BEND7: variants seen among roughly 807,000 people sequenced by gnomAD.
BEND7 encodes BEN domain containing 7.
In BEND7, 28 loss-of-function variants were observed where a neutral mutation model predicts 50.9. The observed-to-expected ratio is 0.55, with a 90% confidence interval of 0.41 to 0.75. The LOEUF is 0.75. BEND7 is among the 30% of genes least tolerant of loss of function. BEND7 has a pLI of 0.00. For synonymous variants in BEND7, 170 were observed against 183.9 expected, an observed-to-expected ratio of 0.92 and a Z score of 0.61; for missense variants, 477 against 491.3, an observed-to-expected ratio of 0.97 and a Z score of 0.28.
chr10:13,447,604 C>T lies in BEND7; in HGVS notation c.1184-288G>A, dbSNP rs1056613534. ...TGTCGCCCAGGCTGGAGTGCAGTGG[C>T]GCGATCTCGGCTCACTACAAGCTCC... On this transcript the variant is annotated intron_variant, in intron 7 of 8. Transcript: ENST00000466271. 3.4e-4 allele frequency among the ~76,000 whole-genome samples: 44 copies of T among 128,606 alleles called. 1 individual carries two copies. Among genetic ancestry groups the T allele is most frequent in the African/African-American group, 9.4e-4 (31 of 33,050 alleles). The allele number at this position is 128,606 out of a possible 152,430, so 84.4% of individuals were successfully genotyped here.
intron 2 of BEND7, among the ~76,000 whole-genome samples, chr10:13,506,442 A>T (rs553966607): frequency 2.0e-5 from 3 of 152,078 alleles, no homozygotes; most frequent in African/African-American, 4.8e-5. Flanking sequence ...GCGAGCCAGG[A>T]GTTTAAGATT....
intron 6 of BEND7, among the ~76,000 whole-genome samples, chr10:13,463,031 A>G (rs2073869198): frequency 6.6e-6 from 1 of 152,220 alleles, no homozygotes; most frequent in East Asian, 1.9e-4. Flanking sequence ...TCACCCAACT[A>G]AACTCCACAT....
In BEND7 at chr10:13,481,124, G is replaced by T. The variant is rs2075823354; in HGVS notation, c.838C>A (p.Pro280Thr). Residue 280 changes from proline (P) to threonine (T), a missense_variant and splice_region_variant, in exon 6 of 9, where the codon CCA becomes ACA. Pro to Thr is a conservative substitution (Grantham distance 38). This residue lies in a region of BEND7 where 396 missense variants were observed against 384.2 expected (regional missense o/e 1.03). Coordinates refer to ENST00000466271, the MANE Select transcript of BEND7 (RefSeq NM_001369863.1). Reference protein sequence around the residue: ...GIVLESPSSDPEVQLAEGFDV... With the variant: ...GIVLESPSSDTEVQLAEGFDV... ...AAGCCTTCAGCAAGTTGTACTTCTGGCTACCAAAAGAACACAGATATTTCA... is the reference window on the plus strand; with the variant it reads ...AAGCCTTCAGCAAGTTGTACTTCTGTCTACCAAAAGAACACAGATATTTCA... 6.2e-7 allele frequency: 1 copy of T among 1,613,206 alleles called. No homozygotes were observed. The highest frequency in any genetic ancestry group is 8.5e-7 in the Non-Finnish European group (1 of 1,179,458).
chr10:13,507,028 T>C (rs1438164354), intron 2 of BEND7, among the ~76,000 whole-genome samples: 1 of 152,100 alleles, frequency 6.6e-6, no homozygotes, highest in African/African-American at 2.4e-5. Context: ...AGTTTGAGCA[T>C]GAAGCCATAT....
At chr10:13,490,573 G>A (rs1025205955) in intron 5 of BEND7, among the ~76,000 whole-genome samples, 2 of 152,118 alleles carry the variant, frequency 1.3e-5, no homozygotes, top group East Asian at 1.9e-4. Context: ...ATCTTCCTCC[G>A]GCTATCTCTA....
intron 2 of BEND7, among the ~76,000 whole-genome samples, chr10:13,503,761 A>C (rs982204973): frequency 3.3e-5 from 5 of 152,132 alleles, no homozygotes; most frequent in African/African-American, 1.2e-4. Context: ...TGGAACACAG[A>C]AAACTGCAGT....
intron 5 of BEND7, among the ~76,000 whole-genome samples, chr10:13,486,675 A>AT (rs2076247866): frequency 6.6e-6 from 1 of 152,256 alleles, no homozygotes; most frequent in Admixed American, 6.5e-5. Context: ...CTTTATAGAC[A>AT]TTTTTAGTTG....
At chr10:13,473,247 T>C (rs769343144) in intron 6 of BEND7, among the ~76,000 whole-genome samples, 2 of 151,900 alleles carry the variant, frequency 1.3e-5, no homozygotes, top group Non-Finnish European at 2.9e-5. Context: ...ATATCTGTCA[T>C]CGCTGTTAGA....
chr10:13,443,357 T>C (rs148717197), intron 8 of BEND7: 81 of 152,826 alleles, frequency 5.3e-4, no homozygotes, highest in African/African-American at 1.9e-3. Context: ...CAATGAAACC[T>C]GGTTCTGTGT....
chr10:13,456,436 T>C (rs973722854), intron 6 of BEND7, among the ~76,000 whole-genome samples: 14 of 152,100 alleles, frequency 9.2e-5, no homozygotes, highest in East Asian at 7.7e-4. Context: ...GTGATCCGGA[T>C]GACAGTGGGA....
intron 5 of BEND7, among the ~76,000 whole-genome samples, chr10:13,485,536 G>C (rs1174125402): frequency 6.6e-6 from 1 of 152,144 alleles, no homozygotes; most frequent in Non-Finnish European, 1.5e-5. Flanking sequence ...CAGATGAAGA[G>C]GCAGGATCCT....
chr10:13,473,002 G>T (rs537563278), intron 6 of BEND7, among the ~76,000 whole-genome samples: 2 of 152,078 alleles, frequency 1.3e-5, no homozygotes, highest in South Asian at 4.2e-4. Context: ...ACTCGTCATC[G>T]CTGTTACACT....
chr10:13,520,618 G>T (rs1172493677), intron 2 of BEND7, among the ~76,000 whole-genome samples: 1 of 152,192 alleles, frequency 6.6e-6, no homozygotes, highest in South Asian at 2.1e-4. Flanking sequence ...ACAAGGTGAA[G>T]AACTCAGAAG....
chr10:13,498,071 CTTTTTTTTTT>C (rs67255529), intron 3 of BEND7, among the ~76,000 whole-genome samples: 1 of 109,868 alleles, frequency 9.1e-6, no homozygotes, highest in African/African-American at 3.4e-5. Context: ...ATTTCTTTTT[CTTTTTTTTTT>C]TTTTTTTTTT....
intron 6 of BEND7, among the ~76,000 whole-genome samples, chr10:13,463,432 T>C (rs947838174): frequency 2.6e-5 from 4 of 152,032 alleles, no homozygotes; most frequent in African/African-American, 9.7e-5. Flanking sequence ...AAGACGAAGG[T>C]AGATAAAAGA....
chr10:13,462,590 AAC>A (rs1840432328), intron 6 of BEND7, among the ~76,000 whole-genome samples: 1 of 152,344 alleles, frequency 6.6e-6, no homozygotes, highest in African/African-American at 2.4e-5. Context: ...CACTGAGTGG[AAC>A]AGGGAGATAG....
chr10:13,465,256 C>G (rs146546879), intron 6 of BEND7, among the ~76,000 whole-genome samples: 1 of 152,164 alleles, frequency 6.6e-6, no homozygotes, highest in Admixed American at 6.5e-5. Flanking sequence ...ATTTCAGATT[C>G]GGTTTGACAA....
chr10:13,527,068 A>C (rs902390646), intron 1 of BEND7, among the ~76,000 whole-genome samples: 2 of 152,186 alleles, frequency 1.3e-5, no homozygotes, highest in South Asian at 4.1e-4. Flanking sequence ...AAAGTCAACA[A>C]AACTACTCTC....
chr10:13,473,392 A>G (rs1244338730), intron 6 of BEND7, among the ~76,000 whole-genome samples: 1 of 148,290 alleles, frequency 6.7e-6, no homozygotes, highest in African/African-American at 2.5e-5. Context: ...TGGGGCTGGT[A>G]TCCATCATCG....
Sources: gnomAD v4.1 joint callset for allele counts (sites outside exome capture counted in the v4.1 genomes callset) on GRCh38, gnomAD v4.1.1 for gene constraint, gnomAD v4.1.1 regional missense constraint, MANE v1.5 for transcripts, NCBI Gene and HGNC (gene_info 2026-07-23, HGNC 2026-07-21) for gene names.